The following USP35 variants were observed in gnomAD, a reference collection of about 807,000 sequenced individuals.
USP35 encodes the protein ubiquitin carboxyl-terminal hydrolase 35.
Under a neutral mutation model 83.8 loss-of-function variants are expected in USP35, and 69 were observed. That is an observed-to-expected ratio of 0.82 (90% CI 0.68 to 1.01). The LOEUF (loss-of-function observed/expected upper bound fraction) is 1.01, where lower values mean the gene tolerates loss of function less well. USP35 is among the 50% of genes least tolerant of loss of function. The pLI is 0.00. For missense variants in USP35, 1,503 were observed against 1,362.5 expected (o/e 1.10, Z -1.62); for synonymous variants, 714 against 589.5 (o/e 1.21, Z -3.06).
At chr11:78,191,054 A>G (rs956190213) in intron 1 of USP35, among the ~76,000 whole-genome samples, 1 of 152,142 alleles carries the variant, frequency 6.6e-6, no homozygotes, top group Non-Finnish European at 1.5e-5. Context: ...ACCGTGTAAT[A>G]AGCTCCATCT....
the USP35 span, among the ~76,000 whole-genome samples, chr11:78,232,246 T>C: frequency 6.6e-6 from 1 of 152,216 alleles, no homozygotes; most frequent in Admixed American, 6.5e-5. Flanking sequence ...TTCTATAGAC[T>C]ACTGCTGCAG....
Position 78,196,998 on chromosome 11 carries a change from T to C in USP35, c.673+80T>C. On this transcript the variant is annotated intron_variant, in intron 2 of 10. Coordinates refer to ENST00000529308, the MANE Select transcript of USP35 (RefSeq NM_020798.4). This position sits in a 1 kb window ranked among gnomAD's most constrained non-coding sequence, Gnocchi z 4.8. ...TTGGGTAGGTGGCTGTACGTGTGGA[T>C]TTGTGCATGCGGGCGCCCGTGTGGC... The C allele has an allele frequency of 7.2e-7, 1 of 1,394,620 alleles. No homozygotes were observed. Among genetic ancestry groups the C allele is most frequent in the Admixed American group, 3.0e-5 (1 of 32,794 alleles). The allele number at this position is 1,394,620 out of a possible 1,614,324, so 86.4% of individuals were successfully genotyped here.
chr11:78,207,332 G>C (rs986357057), intron 7 of USP35, 198 bp from the exon 8 acceptor site: 4 of 579,500 alleles, frequency 6.9e-6, no homozygotes, highest in Non-Finnish European at 1.2e-5. Context: ...GTCTATTGTT[G>C]TGTTCCTGAC....
At chr11:78,230,264 A>G in the USP35 span, among the ~76,000 whole-genome samples, 1 of 152,170 alleles carries the variant, frequency 6.6e-6, no homozygotes, top group Non-Finnish European at 1.5e-5. Flanking sequence ...TTACGTTCCA[A>G]CTTCCCTCTA....
chr11:78,202,382 G>C (rs1184580213), intron 6 of USP35, among the ~76,000 whole-genome samples: 3 of 152,234 alleles, frequency 2.0e-5, no homozygotes, highest in Non-Finnish European at 4.4e-5. Context: ...GGAAAAAAAT[G>C]TAATCAGTGG....
chr11:78,199,847 G>T, intron 4 of USP35, 123 bp downstream of exon 4: 1 of 1,467,672 alleles, frequency 6.8e-7, no homozygotes, highest in Non-Finnish European at 9.3e-7. Context: ...TGACCTGGGC[G>T]AATTCACTGC....
chr11:78,192,933 C>T (rs562950444), intron 1 of USP35, among the ~76,000 whole-genome samples: 1 of 152,282 alleles, frequency 6.6e-6, no homozygotes, highest in African/African-American at 2.4e-5. Context: ...TCCCTGTCTC[C>T]AGAACTCCAT....
chr11:78,214,083 C>T lies in USP35; in HGVS notation c.*270C>T. 1 of 361,802 alleles carries T rather than the reference C, an allele frequency of 2.8e-6. No homozygotes were observed. The highest frequency in any genetic ancestry group is 5.1e-5 in the East Asian group (1 of 19,466). 22.4% of individuals were successfully genotyped at this position (361,802 alleles called of 1,614,324 possible). A position where few individuals can be genotyped will look rare whatever the true frequency, so the allele number is the denominator to read the frequency against. On this transcript the variant is annotated 3_prime_UTR_variant, in exon 11 of 11. Coordinates refer to ENST00000529308, the MANE Select transcript of USP35 (RefSeq NM_020798.4). ...TGGGCACACACGGGTCTTTGCCTCC[C>T]CCTCCTTCCCTAGCAGGCTCCCCAT...
chr11:78,227,609 C>T, the USP35 span, among the ~76,000 whole-genome samples: 1 of 131,974 alleles, frequency 7.6e-6, no homozygotes, highest in African/African-American at 3.1e-5. Context: ...AGCCTGGGAA[C>T]ACAATAAGAC....
chr11:78,221,531 A>C, the USP35 span: 4 of 456,404 alleles, frequency 8.8e-6, no homozygotes, highest in African/African-American at 7.9e-5. Context: ...GGTGCTCAAG[A>C]AGGGTTTGTA....
intron 1 of USP35, among the ~76,000 whole-genome samples, chr11:78,189,699 C>G (rs1862942918): frequency 6.6e-6 from 1 of 152,172 alleles, no homozygotes; most frequent in South Asian, 2.1e-4. Flanking sequence ...TGAGGGGTGG[C>G]CCCGCAGGGA....
At chr11:78,213,299 G>T (rs1293050635) in intron 10 of USP35, among the ~76,000 whole-genome samples, 1 of 152,106 alleles carries the variant, frequency 6.6e-6, no homozygotes, top group African/African-American at 2.4e-5. Context: ...CTCATAGGCA[G>T]AGCCCATTCC....
chr11:78,229,851 C>G, the USP35 span, among the ~76,000 whole-genome samples: 1 of 152,162 alleles, frequency 6.6e-6, no homozygotes, highest in Non-Finnish European at 1.5e-5. Context: ...GGCTTCTTAC[C>G]TCAATCTGGC....
rs1231710090 is a variant in USP35, at chr11:78,209,448, G to C, written c.1593G>C (p.Arg531=). The change falls in exon 10 of 11, where the codon CGG becomes CGC. Residue 531 remains arginine (R), a splice_region_variant and synonymous_variant. Transcript: ENST00000529308. The stretch of plus-strand genomic sequence containing the variant: ...AGTGACTCTGTGCTCTCTGCCCCAG[G>C]CTGCACGAAGAGGAGAAAACGGGCA... ...CSEYLKYLLD[R]LHEEEKTGTR... is the part of the protein sequence containing the mutation. The C allele has an allele frequency of 1.9e-6, 3 of 1,596,926 alleles. No individual in the cohort carries two copies. Among genetic ancestry groups the C allele is most frequent in the Non-Finnish European group, 2.6e-6 (3 of 1,170,350 alleles).
At chr11:78,199,174 T>G (rs564839917) in intron 3 of USP35, 12 of 220,836 alleles carry the variant, frequency 5.4e-5, no homozygotes, top group Non-Finnish European at 1.1e-4. Context: ...GAGGGAGGTA[T>G]TATCCCCATT....
chr11:78,191,359 G>A (rs1862999382), intron 1 of USP35, among the ~76,000 whole-genome samples: 1 of 152,210 alleles, frequency 6.6e-6, no homozygotes, highest in South Asian at 2.1e-4. Context: ...GTGTGCTGGT[G>A]TTGCTGGGAC....
downstream of USP35, chr11:78,215,930 A>G (rs913985386): frequency 5.2e-5 from 8 of 152,722 alleles, no homozygotes; most frequent in African/African-American, 1.9e-4. Flanking sequence ...AGCTGAGCCC[A>G]TGCTCCAGTA....
intron 1 of USP35, among the ~76,000 whole-genome samples, chr11:78,193,744 AAAC>A (rs147049294): frequency 0.37 from 56,747 of 151,794 alleles, 11,605 homozygotes; most frequent in East Asian, 0.62. Flanking sequence ...AAAGAGTCAA[AAAC>A]AACAACAACA....
At chr11:78,234,171 C>G in the USP35 span, among the ~76,000 whole-genome samples, 1 of 152,150 alleles carries the variant, frequency 6.6e-6, no homozygotes, top group Non-Finnish European at 1.5e-5. Flanking sequence ...GTCTTGACCT[C>G]CCCCAGGCTC....
Sources: allele counts gnomAD v4.1 joint callset (sites outside exome capture counted in the v4.1 genomes callset), GRCh38; gene constraint gnomAD v4.1.1; non-coding constraint Gnocchi (gnomAD v3.1); transcripts MANE v1.5; gene names NCBI Gene and HGNC (gene_info 2026-07-23, HGNC 2026-07-21).